TTC23L: variants seen among roughly 807,000 people sequenced by gnomAD.
TTC23L encodes the protein tetratricopeptide repeat protein 23-like.
A neutral mutation model predicts 48.1 loss-of-function variants in TTC23L; 42 were observed. That is an observed-to-expected ratio of 0.87 (90% CI 0.68 to 1.13). The LOEUF (loss-of-function observed/expected upper bound fraction) is 1.13. Among genes scored for constraint, TTC23L ranks in the 50% most tolerant of loss-of-function variants. The probability of loss-of-function intolerance (pLI) is 0.00; values close to 1 mark genes in which losing one functional copy is unlikely to be tolerated. For synonymous variants in TTC23L, 159 were observed against 157.2 expected (o/e 1.01, Z -0.09); for missense variants, 391 against 421.0 (o/e 0.93, Z 0.62).
chr5:34,907,199 T>G, the TTC23L span: 2 of 152,218 alleles, frequency 1.3e-5, no homozygotes, highest in African/African-American at 4.8e-5. Context: ...ATGTGACCTA[T>G]ATTAAGGTAG....
intron 8 of TTC23L, among the ~76,000 whole-genome samples, chr5:34,877,361 CTTTTTTT>C (rs796888113): frequency 5.8e-5 from 7 of 121,098 alleles, no homozygotes; most frequent in East Asian, 2.6e-4. Flanking sequence ...CACCATTGTT[CTTTTTTT>C]TTTTTTTTTT....
At chr5:34,852,561 G>A (rs961842609) in intron 4 of TTC23L, among the ~76,000 whole-genome samples, 7 of 152,144 alleles carry the variant, frequency 4.6e-5, no homozygotes, top group African/African-American at 1.4e-4. Flanking sequence ...GATGAGAGTC[G>A]ATGAGGGCAT....
At chr5:34,888,936 A>G (rs924488423) in intron 9 of TTC23L, among the ~76,000 whole-genome samples, 2 of 152,138 alleles carry the variant, frequency 1.3e-5, no homozygotes, top group Non-Finnish European at 2.9e-5. Context: ...ACATAAGGCA[A>G]GTTTTTTTAG....
intron 7 of TTC23L, chr5:34,867,353 A>C: frequency 4.6e-6 from 2 of 435,336 alleles, no homozygotes; most frequent in Non-Finnish European, 4.2e-6. Flanking sequence ...AAGAAGCAAA[A>C]TGTGAGTCTA....
rs182918838 is a variant in TTC23L at position 34,881,910 on chromosome 5, G to C, written c.1077+1602G>C. Among the ~76,000 whole-genome samples, 353 of 150,658 alleles carry C rather than the reference G, an allele frequency of 2.3e-3. 4 individuals are homozygous for C. Among genetic ancestry groups the C allele is most frequent in the Admixed American group, 4.4e-3 (67 of 15,156 alleles). On this transcript the variant is annotated intron_variant, in intron 9 of 10. Coordinates refer to ENST00000505624, the Ensembl canonical transcript of TTC23L. Reference sequence around the variant, plus strand: ...TCCCGGAACAGCTGGGATTACAGGCGCCCACCACTACACCCGGCTAATTTT... The same window carrying C: ...TCCCGGAACAGCTGGGATTACAGGCCCCCACCACTACACCCGGCTAATTTT...
intron 3 of TTC23L, among the ~76,000 whole-genome samples, chr5:34,847,270 G>C (rs1401124266): frequency 6.6e-6 from 1 of 152,162 alleles, no homozygotes; most frequent in Non-Finnish European, 1.5e-5. Flanking sequence ...ACAAATCCAG[G>C]CTAGAAGGAT....
chr5:34,923,880 G>T, the TTC23L span, among the ~76,000 whole-genome samples: 2 of 152,134 alleles, frequency 1.3e-5, no homozygotes, highest in African/African-American at 4.8e-5. Flanking sequence ...ACTGTTAGTT[G>T]ATACAGAGTA....
rs1332020763 is a variant in TTC23L, at chr5:34,875,317, G to GTTATAT, written c.950-4864_950-4863insTTATAT. Among the ~76,000 whole-genome samples the GTTATAT allele has an allele frequency of 4.6e-5, 7 of 152,278 alleles. No homozygotes were observed. The East Asian group carries it at 1.4e-3, about 29-fold the overall frequency. ...CTAGAGGGACATAACTAATAGGATA[G>GTTATAT]ATACATATATATAAAGGGGAGTTTA... is the stretch of plus-strand genomic sequence containing the variant. On this transcript the variant is annotated intron_variant, in intron 8 of 10. Transcript: ENST00000505624.
At position 34,850,166 on chromosome 5, in the gene TTC23L, T is replaced by A; in HGVS notation, c.256-19T>A. On this transcript the variant is annotated intron_variant, in intron 3 of 10. Coordinates refer to ENST00000505624, the Ensembl canonical transcript of TTC23L. ...TTCTCTTCCTTTCCAAAAAGTATAA[T>A]CACTTCTGTACTCTACAGAATACTC... The A allele has an allele frequency of 1.9e-6, 3 of 1,612,792 alleles. No homozygotes were observed. Among genetic ancestry groups the A allele is most frequent in the Non-Finnish European group, 2.5e-6 (3 of 1,179,248 alleles).
At chr5:34,866,792 T>A in intron 6 of TTC23L, 100 bp from the exon 7 acceptor site, 1 of 1,177,700 alleles carries the variant, frequency 8.5e-7, no homozygotes, top group Non-Finnish European at 1.2e-6. Flanking sequence ...ATGATGGGCC[T>A]GTGAAGGCCA....
the TTC23L span, chr5:34,914,152 G>A: frequency 3.2e-6 from 1 of 310,698 alleles, no homozygotes; most frequent in Non-Finnish European, 6.6e-6. Context: ...TATTACTTTG[G>A]AAGAACAAAA....
the TTC23L span, chr5:34,915,438 C>G: frequency 1.2e-5 from 4 of 325,054 alleles, no homozygotes; most frequent in Non-Finnish European, 2.3e-5. Flanking sequence ...GTCTGGACGC[C>G]CGAGAGCCCT....
At chr5:34,905,819 G>C in the TTC23L span, 3 of 151,796 alleles carry the variant, frequency 2.0e-5, no homozygotes, top group African/African-American at 7.3e-5. Flanking sequence ...AAAAATTCCT[G>C]GGTCAATTAG....
chr5:34,856,032 GA>G (rs891676603), intron 4 of TTC23L, among the ~76,000 whole-genome samples: 1 of 152,162 alleles, frequency 6.6e-6, no homozygotes, highest in Non-Finnish European at 1.5e-5. Flanking sequence ...GAGTAGGCAG[GA>G]CATGGTGTTC....
At chr5:34,871,478 A>G (rs531518476) in intron 8 of TTC23L, among the ~76,000 whole-genome samples, 1 of 152,324 alleles carries the variant, frequency 6.6e-6, no homozygotes, top group Non-Finnish European at 1.5e-5. Flanking sequence ...TCAGTCTTCC[A>G]AGATTGATCT....
the TTC23L span, chr5:34,918,425 C>T: frequency 1.5e-5 from 24 of 1,609,926 alleles, no homozygotes; most frequent in Admixed American, 2.3e-4. Flanking sequence ...AATTTTAGAA[C>T]AAGACATTTA....
At chr5:34,839,670 A>G (rs1758434110) in intron 1 of TTC23L, 2 of 985,046 alleles carry the variant, frequency 2.0e-6, no homozygotes, top group Non-Finnish European at 2.4e-6. Context: ...AAAGCCACTC[A>G]GGGCTCGGTG....
intron 4 of TTC23L, among the ~76,000 whole-genome samples, chr5:34,859,905 G>A (rs1265006266): frequency 6.2e-5 from 8 of 128,454 alleles, no homozygotes; most frequent in Non-Finnish European, 7.8e-5. Flanking sequence ...GTGCAGTAGC[G>A]TGATCTCGGC....
intron 4 of TTC23L, among the ~76,000 whole-genome samples, chr5:34,850,694 G>C (rs1759603106): frequency 6.6e-6 from 1 of 152,122 alleles, no homozygotes; most frequent in South Asian, 2.1e-4. Flanking sequence ...TCAGCATCAG[G>C]GAGGCAGACC....
Sources: allele counts gnomAD v4.1 joint callset (sites outside exome capture counted in the v4.1 genomes callset), GRCh38; gene constraint gnomAD v4.1.1; transcripts MANE v1.5; gene names NCBI Gene and HGNC (gene_info 2026-07-23, HGNC 2026-07-21).